CREM: variants seen among roughly 807,000 people sequenced by gnomAD.
CREM encodes cAMP-responsive element modulator.
In CREM, 13 loss-of-function variants were observed where a neutral mutation model predicts 37.3. That is an observed-to-expected ratio of 0.35 (90% CI 0.23 to 0.55). The LOEUF is 0.55. Among genes scored for constraint, CREM ranks in the 20% least tolerant of loss-of-function variants. CREM has a pLI of 0.88. For synonymous variants in CREM, 124 were observed against 120.2 expected (o/e 1.03, Z -0.21); for missense variants, 296 against 362.3 (o/e 0.82, Z 1.49).
intron 4 of CREM, 72 bp downstream of exon 4, chr10:35,179,058 T>C: frequency 6.5e-7 from 1 of 1,537,152 alleles, no homozygotes; most frequent in Non-Finnish European, 8.9e-7. Flanking sequence ...ATCAAATCAA[T>C]TCTTCCTTTA....
intron 1 of CREM, among the ~76,000 whole-genome samples, chr10:35,128,909 A>AT (rs1479908513): frequency 1.3e-5 from 2 of 152,064 alleles, no homozygotes; most frequent in African/African-American, 2.4e-5. Flanking sequence ...ATCTAAAGTA[A>AT]TTTTTTTCCC....
At chr10:35,174,811 T>A (rs1354964023) in intron 3 of CREM, among the ~76,000 whole-genome samples, 1 of 152,220 alleles carries the variant, frequency 6.6e-6, no homozygotes, top group Non-Finnish European at 1.5e-5. Flanking sequence ...GTGGTTAGTA[T>A]CGTGTTTTTC....
Position 35,127,211 on chromosome 10 carries a change from T to G in CREM, c.-55+18T>G, listed in dbSNP as rs1490034029. The G allele has an allele frequency of 6.5e-6, 1 of 152,716 alleles. No homozygotes were observed. Among genetic ancestry groups the G allele is most frequent in the Non-Finnish European group, 1.5e-5 (1 of 68,404 alleles). The allele number at this position is 152,716 out of a possible 1,614,324, so 9.5% of individuals were successfully genotyped here. On this transcript the variant is annotated intron_variant, in intron 1 of 7. Transcript: ENST00000685392. ...TGCGGCGGGTAAGTGGTGCGTCGGCTCCGGCCCCGAGACCCAGCAGCGGGC... is the reference window on the plus strand; with the variant it reads ...TGCGGCGGGTAAGTGGTGCGTCGGCGCCGGCCCCGAGACCCAGCAGCGGGC...
chr10:35,127,893 T>C (rs903318319), intron 1 of CREM, among the ~76,000 whole-genome samples: 39 of 152,266 alleles, frequency 2.6e-4, no homozygotes, highest in African/African-American at 9.1e-4. Flanking sequence ...TTACCCAGGC[T>C]GGAATGCAGG....
At chr10:35,193,012 C>T (rs755858033) in intron 6 of CREM, among the ~76,000 whole-genome samples, 6 of 152,210 alleles carry the variant, frequency 3.9e-5, no homozygotes, top group Non-Finnish European at 7.3e-5. Context: ...CTTCTTCACA[C>T]ATACCGATTG....
intron 1 of CREM, among the ~76,000 whole-genome samples, chr10:35,137,190 T>TA (rs1395770058): frequency 6.6e-6 from 1 of 151,618 alleles, no homozygotes; most frequent in Non-Finnish European, 1.5e-5. Context: ...AAGATATTAG[T>TA]AAAAAATAAA....
intron 1 of CREM, among the ~76,000 whole-genome samples, chr10:35,131,068 C>T (rs2089284333): frequency 6.6e-6 from 1 of 152,166 alleles, no homozygotes; most frequent in Non-Finnish European, 1.5e-5. Flanking sequence ...ATAACCATCT[C>T]GTTGGTCAGG....
chr10:35,175,274 G>A (rs60806091), intron 3 of CREM, among the ~76,000 whole-genome samples: 1,576 of 152,160 alleles, frequency 0.01, 35 homozygotes, highest in African/African-American at 0.035. Context: ...GTGAAACCCC[G>A]TCTCTACTAA....
chr10:35,144,071 A>G (rs906477225), intron 2 of CREM, among the ~76,000 whole-genome samples: 5 of 152,164 alleles, frequency 3.3e-5, no homozygotes, highest in African/African-American at 1.2e-4. Flanking sequence ...GGCTTAGGAA[A>G]AGGCCCATTG....
rs1037688545 is a variant in CREM at position 35,212,568 on chromosome 10, T to G, written c.*1170T>G. On this transcript the variant is annotated 3_prime_UTR_variant, in exon 8 of 8. Coordinates refer to ENST00000685392, the MANE Select transcript of CREM (RefSeq NM_183011.2). The stretch of plus-strand genomic sequence containing the variant: ...GCATTGCATACCTTCGGGGTACAAG[T>G]CAGTTTCTACACTGGGTGCTGATCC... 1 of 152,766 alleles carries G rather than the reference T, an allele frequency of 6.5e-6. No individual in the cohort carries two copies. Among genetic ancestry groups the G allele is most frequent in the Non-Finnish European group, 1.5e-5 (1 of 68,040 alleles). The allele number at this position is 152,766 out of a possible 1,614,324, so 9.5% of individuals were successfully genotyped here. A position where few individuals can be genotyped will look rare whatever the true frequency, so the allele number is the denominator to read the frequency against.
At chr10:35,193,580 G>T (rs1010615892) in intron 6 of CREM, among the ~76,000 whole-genome samples, 2 of 152,090 alleles carry the variant, frequency 1.3e-5, no homozygotes. Context: ...TGACCATCCA[G>T]GGTTCCTTAC....
At chr10:35,154,448 T>G (rs2092775492) in intron 3 of CREM, 1 of 180,926 alleles carries the variant, frequency 5.5e-6, no homozygotes, top group South Asian at 2.0e-4. Context: ...AAGGTCAGTG[T>G]TTTATTGAAT....
chr10:35,196,120 G>A (rs1351504954), intron 6 of CREM: 10 of 1,613,924 alleles, frequency 6.2e-6, no homozygotes, highest in Admixed American at 1.7e-5. Context: ...GCCTCCTACT[G>A]AGGCCGTCCC....
intron 3 of CREM, among the ~76,000 whole-genome samples, chr10:35,168,192 T>A (rs1458191973): frequency 6.6e-6 from 1 of 152,232 alleles, no homozygotes; most frequent in East Asian, 1.9e-4. Context: ...TCCACAATGG[T>A]TGAACTAGTT....
At chr10:35,182,582 T>TAA (rs1303044138) in intron 5 of CREM, among the ~76,000 whole-genome samples, 1 of 152,204 alleles carries the variant, frequency 6.6e-6, no homozygotes, top group Non-Finnish European at 1.5e-5. Context: ...GTTGAAGAAA[T>TAA]AAAGTATATT....
At chr10:35,187,796 C>T (rs1318449171) in intron 5 of CREM, among the ~76,000 whole-genome samples, 1 of 152,138 alleles carries the variant, frequency 6.6e-6, no homozygotes, top group East Asian at 1.9e-4. Flanking sequence ...TGAGCCACCA[C>T]ACCTGGCCTT....
chr10:35,201,903 G>A (rs920041099), intron 6 of CREM, among the ~76,000 whole-genome samples: 5 of 152,144 alleles, frequency 3.3e-5, no homozygotes, highest in Non-Finnish European at 4.4e-5. Context: ...CTAAATGACA[G>A]CAGGCTTGTG....
intron 1 of CREM, among the ~76,000 whole-genome samples, chr10:35,127,951 T>G (rs963151525): frequency 2.0e-5 from 3 of 152,296 alleles, no homozygotes; most frequent in Middle Eastern, 3.4e-3. Flanking sequence ...GTTCAAGCGA[T>G]TCTCTTGCCT....
chr10:35,197,967 T>C (rs2095262234), intron 6 of CREM, among the ~76,000 whole-genome samples: 1 of 152,148 alleles, frequency 6.6e-6, no homozygotes, highest in South Asian at 2.1e-4. Context: ...GACCTATGTG[T>C]GTATGTACCC....
Sources: gnomAD v4.1 joint callset for allele counts (sites outside exome capture counted in the v4.1 genomes callset) on GRCh38, gnomAD v4.1.1 for gene constraint, MANE v1.5 for transcripts, NCBI Gene and HGNC (gene_info 2026-07-23, HGNC 2026-07-21) for gene names.